Variants in CFAP299 observed in about 807,000 individuals in gnomAD.
The protein encoded by CFAP299 is cilia and flagella associated protein 299.
In CFAP299, 21 loss-of-function variants were observed where a neutral mutation model predicts 27.0. The ratio of observed to expected loss-of-function variants is 0.78; its 90% CI spans 0.55 to 1.12. CFAP299 has a LOEUF of 1.12. Among genes scored for constraint, CFAP299 ranks in the 50% most tolerant of loss-of-function variants. The probability of loss-of-function intolerance (pLI) is 0.00; values close to 1 mark genes in which losing one functional copy is unlikely to be tolerated. For synonymous variants in CFAP299, 104 were observed against 98.1 expected (o/e 1.06, Z -0.36); for missense variants, 310 against 276.6 (o/e 1.12, Z -0.86).
At chr4:80,634,493 G>A (rs546641894) in intron 3 of CFAP299, among the ~76,000 whole-genome samples, 1 of 150,062 alleles carries the variant, frequency 6.7e-6, no homozygotes, top group South Asian at 2.1e-4. Flanking sequence ...ATATATATCT[G>A]TATACATAAT....
At chr4:80,388,646 A>T (rs1050835831) in intron 2 of CFAP299, 3 of 1,288,054 alleles carry the variant, frequency 2.3e-6, no homozygotes, top group Middle Eastern at 2.0e-4. Context: ...TTGGCCATCC[A>T]GTAATGATGG....
intron 2 of CFAP299, among the ~76,000 whole-genome samples, chr4:80,554,519 T>A (rs1348599627): frequency 6.6e-6 from 1 of 151,144 alleles, no homozygotes; most frequent in African/African-American, 2.4e-5. Context: ...TTTTTTTTTT[T>A]TTTTTGTCAT....
intron 2 of CFAP299, among the ~76,000 whole-genome samples, chr4:80,366,922 C>T (rs1343973456): frequency 6.6e-6 from 1 of 151,972 alleles, no homozygotes; most frequent in African/African-American, 2.4e-5. Context: ...AAAACCTTAA[C>T]ACATTAGGGT....
chr4:80,788,930 T>G (rs1727397365), intron 3 of CFAP299, among the ~76,000 whole-genome samples: 1 of 152,080 alleles, frequency 6.6e-6, no homozygotes, highest in Non-Finnish European at 1.5e-5. Flanking sequence ...AGCCTTTAAA[T>G]TAAGTGTGGT....
At chr4:80,884,260 T>A (rs1394181456) in intron 4 of CFAP299, among the ~76,000 whole-genome samples, 1 of 152,166 alleles carries the variant, frequency 6.6e-6, no homozygotes, top group Non-Finnish European at 1.5e-5. Context: ...TCAGGATAGA[T>A]CATGTCAGGC....
chr4:80,645,101 T>G (rs1002653572), intron 3 of CFAP299, among the ~76,000 whole-genome samples: 3 of 152,110 alleles, frequency 2.0e-5, no homozygotes, highest in African/African-American at 7.2e-5. Flanking sequence ...AGATCAAACA[T>G]TTCAAACCCA....
At chr4:80,598,649 G>T (rs1737175965) in intron 3 of CFAP299, among the ~76,000 whole-genome samples, 1 of 152,044 alleles carries the variant, frequency 6.6e-6, no homozygotes, top group Non-Finnish European at 1.5e-5. Flanking sequence ...TTCAACATAG[G>T]CAGATATGAT....
intron 2 of CFAP299, among the ~76,000 whole-genome samples, chr4:80,419,616 C>A (rs762267850): frequency 6.6e-6 from 1 of 152,074 alleles, no homozygotes; most frequent in Non-Finnish European, 1.5e-5. Flanking sequence ...TTACAGAGAC[C>A]GTTAACAATC....
chr4:80,587,627 C>CTGT (rs1485616391), intron 3 of CFAP299, among the ~76,000 whole-genome samples: 1 of 152,092 alleles, frequency 6.6e-6, no homozygotes, highest in African/African-American at 2.4e-5. Flanking sequence ...GTGCCTTGCT[C>CTGT]TGTTGCCCAG....
At chr4:80,926,295 G>C (rs1736303102) in intron 4 of CFAP299, among the ~76,000 whole-genome samples, 1 of 151,978 alleles carries the variant, frequency 6.6e-6, no homozygotes, top group Admixed American at 6.6e-5. Flanking sequence ...TACAGAGTGT[G>C]TCAGGAAAGC....
chr4:80,636,304 G>C (rs1366888385), intron 3 of CFAP299, among the ~76,000 whole-genome samples: 1 of 151,960 alleles, frequency 6.6e-6, no homozygotes, highest in Non-Finnish European at 1.5e-5. Context: ...AATATTAAAA[G>C]GTCATCTATG....
chr4:80,401,774 T>A (rs1286353224), intron 2 of CFAP299, among the ~76,000 whole-genome samples: 1 of 151,978 alleles, frequency 6.6e-6, no homozygotes, highest in Non-Finnish European at 1.5e-5. Context: ...GAATCGTAGA[T>A]CCACAGACAG....
At chr4:80,882,586 C>G (rs942790204) in intron 4 of CFAP299, among the ~76,000 whole-genome samples, 1 of 150,574 alleles carries the variant, frequency 6.6e-6, no homozygotes, top group Non-Finnish European at 1.5e-5. Flanking sequence ...TGCAGTAAGC[C>G]GAGATAGCGC....
intron 2 of CFAP299, among the ~76,000 whole-genome samples, chr4:80,453,183 C>A (rs1015650764): frequency 6.6e-6 from 1 of 152,150 alleles, no homozygotes; most frequent in East Asian, 1.9e-4. Context: ...GCAGTGAGAA[C>A]TCAATCCCTT....
chr4:80,740,311 T>C (rs774799364), intron 3 of CFAP299, among the ~76,000 whole-genome samples: 23 of 152,220 alleles, frequency 1.5e-4, no homozygotes, highest in Non-Finnish European at 3.1e-4. Context: ...AGGAAGGCTT[T>C]CCAGGTATTT....
At chr4:80,676,069 G>A (rs1719433315) in intron 3 of CFAP299, among the ~76,000 whole-genome samples, 1 of 152,194 alleles carries the variant, frequency 6.6e-6, no homozygotes, top group Admixed American at 6.5e-5. Flanking sequence ...CAGTCCCAAT[G>A]AGATGAACCA....
chr4:80,365,865 T>C (rs1026299954), intron 2 of CFAP299, among the ~76,000 whole-genome samples: 7 of 152,240 alleles, frequency 4.6e-5, no homozygotes, highest in Admixed American at 1.3e-4. Context: ...TGTTTGAGGA[T>C]CAAAGTAGGT....
At chr4:80,904,446 A>G (rs1290628157) in intron 4 of CFAP299, among the ~76,000 whole-genome samples, 1 of 151,998 alleles carries the variant, frequency 6.6e-6, no homozygotes, top group East Asian at 1.9e-4. Flanking sequence ...TCTATGGGGA[A>G]CCCTTTTTAA....
intron 2 of CFAP299, chr4:80,386,181 C>T: frequency 1.3e-6 from 1 of 756,524 alleles, no homozygotes; most frequent in Non-Finnish European, 2.1e-6. Flanking sequence ...GGGTCCGTCA[C>T]TCTGAGGCCT....
Sources: gnomAD v4.1 joint callset for allele counts (sites outside exome capture counted in the v4.1 genomes callset) on GRCh38, gnomAD v4.1.1 for gene constraint, MANE v1.5 for transcripts, NCBI Gene and HGNC (gene_info 2026-07-23, HGNC 2026-07-21) for gene names.